Variants in AKR1C3 observed in about 807,000 individuals in gnomAD.
AKR1C3 encodes the protein 3-alpha hydroxysteroid dehydrogenase, type II.
In AKR1C3, 48 loss-of-function variants were observed where a neutral mutation model predicts 43.6. The ratio of observed to expected loss-of-function variants is 1.10; its 90% CI spans 0.87 to 1.40. The LOEUF (loss-of-function observed/expected upper bound fraction) is 1.40. AKR1C3 is among the 40% of genes most tolerant of loss of function. The pLI, the probability that AKR1C3 is intolerant of heterozygous loss-of-function variation, is 0.00. For missense variants in AKR1C3, 482 were observed against 391.2 expected, an observed-to-expected ratio of 1.23 and a Z score of -1.96; for synonymous variants, 162 against 139.6, an observed-to-expected ratio of 1.16 and a Z score of -1.13.
intron 7 of AKR1C3, 94 bp downstream of exon 7, chr10:5,102,744 C>G: frequency 6.7e-7 from 1 of 1,498,814 alleles, no homozygotes; most frequent in East Asian, 2.4e-5. Context: ...TGGGCCAGCT[C>G]CATTTCCCTG....
At position 5,102,136 on chromosome 10, in the gene AKR1C3, G is replaced by A; in HGVS notation, c.606G>A (p.Leu202=). The A allele has an allele frequency of 6.2e-7, 1 of 1,613,966 alleles. No individual in the cohort carries two copies. The highest frequency in any genetic ancestry group is 8.5e-7 in the Non-Finnish European group (1 of 1,179,920). ...ECHPYFNRSK[L]LDFCKSKDIV... is the part of the protein sequence containing the mutation. ...ATCCGTATTTCAACCGGAGTAAATTGCTAGATTTCTGCAAGTCGAAAGATA... is the reference window on the plus strand; with the variant it reads ...ATCCGTATTTCAACCGGAGTAAATTACTAGATTTCTGCAAGTCGAAAGATA... Residue 202 remains leucine (L), a synonymous_variant, in exon 6 of 9, where the codon TTG becomes TTA. Transcript: ENST00000380554.
intron 8 of AKR1C3, 50 bp downstream of exon 8, chr10:5,105,727 T>TC: frequency 6.9e-7 from 1 of 1,447,224 alleles, no homozygotes; most frequent in Non-Finnish European, 9.6e-7. Flanking sequence ...GGAGAAGGAA[T>TC]GTAGGATGGG....
At chr10:5,075,058 T>C (rs1226746258) in intron 1 of AKR1C3, among the ~76,000 whole-genome samples, 1 of 152,046 alleles carries the variant, frequency 6.6e-6, no homozygotes, top group Non-Finnish European at 1.5e-5. Flanking sequence ...GGCAAATAAA[T>C]CTCCTAAAAT....
chr10:5,099,286 C>A (rs782472789), intron 4 of AKR1C3, 41 bp from the exon 5 acceptor site: 1 of 1,612,714 alleles, frequency 6.2e-7, no homozygotes, highest in Non-Finnish European at 8.5e-7. Context: ...TGATTTGCAG[C>A]CAACTGCACA....
At chr10:5,087,647 A>G (rs1458206681) in intron 1 of AKR1C3, among the ~76,000 whole-genome samples, 1 of 152,042 alleles carries the variant, frequency 6.6e-6, no homozygotes, top group Non-Finnish European at 1.5e-5. Context: ...TGCTGGGATT[A>G]CAGACGTAAG....
At chr10:5,066,299 G>A (rs928222265) in intron 1 of AKR1C3, among the ~76,000 whole-genome samples, 1 of 152,098 alleles carries the variant, frequency 6.6e-6, no homozygotes, top group African/African-American at 2.4e-5. Context: ...CAAAACAATG[G>A]CCTCCTATCA....
chr10:5,063,052 C>A (rs1838414655), intron 1 of AKR1C3, among the ~76,000 whole-genome samples: 1 of 151,994 alleles, frequency 6.6e-6, no homozygotes, highest in South Asian at 2.1e-4. Context: ...TAACTAACAG[C>A]CATTTAGACC....
At chr10:5,074,425 G>C (rs1838669392) in intron 1 of AKR1C3, among the ~76,000 whole-genome samples, 1 of 152,202 alleles carries the variant, frequency 6.6e-6, no homozygotes, top group South Asian at 2.1e-4. Flanking sequence ...TGTCTGTTAT[G>C]AGAGAGGCTT....
At chr10:5,079,742 T>C (rs1838793528) in intron 1 of AKR1C3, among the ~76,000 whole-genome samples, 1 of 151,954 alleles carries the variant, frequency 6.6e-6, no homozygotes, top group Admixed American at 6.5e-5. Context: ...CCCAAGCCCC[T>C]ATTCTCTCTG....
intron 1 of AKR1C3, among the ~76,000 whole-genome samples, chr10:5,074,600 T>G (rs1194523686): frequency 6.6e-6 from 1 of 152,212 alleles, no homozygotes; most frequent in African/African-American, 2.4e-5. Flanking sequence ...ATTGACATAG[T>G]GTGCAAGAAG....
chr10:5,065,368 C>T (rs1554780682), intron 1 of AKR1C3, among the ~76,000 whole-genome samples: 1 of 152,190 alleles, frequency 6.6e-6, no homozygotes, highest in Non-Finnish European at 1.5e-5. Flanking sequence ...TGCCTGTCAA[C>T]ACCAGACTGG....
upstream of AKR1C3, chr10:5,093,873 A>G (rs986806240): frequency 3.3e-5 from 5 of 152,176 alleles, no homozygotes; most frequent in Non-Finnish European, 5.9e-5. Context: ...AGAAAGAAAA[A>G]TCAAAATAAA....
chr10:5,087,439 C>T (rs1838994913), intron 1 of AKR1C3, among the ~76,000 whole-genome samples: 1 of 148,482 alleles, frequency 6.7e-6, no homozygotes, highest in South Asian at 2.1e-4. Flanking sequence ...GTGGGGCAAT[C>T]TCAGCTCACT....
Position 5,098,811 on chromosome 10 carries a change from GA to G in AKR1C3, c.381del (p.Glu127AspfsTer11), listed in dbSNP as rs782042667. The G allele has an allele frequency of 6.9e-5, 111 of 1,613,516 alleles. No homozygotes were observed. The East Asian group carries it at 1.5e-3, about 22-fold the overall frequency. On this transcript the variant is annotated frameshift_variant, in exon 4 of 9. Coordinates refer to ENST00000380554, the MANE Select transcript of AKR1C3 (RefSeq NM_003739.6). LOFTEE classifies it high-confidence loss of function. ...HSPMSLKPGE[E>X]LSPTDENGKV... ...ACTGCTTCTATTTCAGCCAGGTGAG[GA>G]ACTTTCACCAACAGATGAAAATGGA...
At chr10:5,105,766 A>T in intron 8 of AKR1C3, 89 bp downstream of exon 8, 2 of 978,616 alleles carry the variant, frequency 2.0e-6, no homozygotes, top group Non-Finnish European at 3.2e-6. Context: ...TACCAGAGGG[A>T]CAGAGGCCAA....
chr10:5,088,615 T>G (rs782630429), intron 1 of AKR1C3, among the ~76,000 whole-genome samples: 1 of 151,686 alleles, frequency 6.6e-6, no homozygotes, highest in Non-Finnish European at 1.5e-5. Flanking sequence ...TATAAAAGTC[T>G]GTTTTATCTA....
chr10:5,069,739 T>A (rs1391303544), intron 1 of AKR1C3, among the ~76,000 whole-genome samples: 1 of 152,026 alleles, frequency 6.6e-6, no homozygotes, highest in Non-Finnish European at 1.5e-5. Context: ...CCCAGCATGG[T>A]GGCAGGCACC....
chr10:5,105,526 A>T, intron 7 of AKR1C3, 69 bp from the exon 8 acceptor site: 2 of 1,167,198 alleles, frequency 1.7e-6, no homozygotes, highest in Non-Finnish European at 1.3e-6. Context: ...TCTGCACCCT[A>T]CTGTCTAATA....
chr10:5,102,179 A>G lies in AKR1C3; in HGVS notation c.649A>G (p.Ser217Gly), dbSNP rs782639242. 9 of 1,613,872 alleles carry G rather than the reference A, an allele frequency of 5.6e-6. No homozygotes were observed. Among genetic ancestry groups the G allele is most frequent in the Middle Eastern group, 1.6e-4 (1 of 6,080 alleles). The stretch of plus-strand genomic sequence containing the variant: ...GAAAGATATTGTTCTGGTTGCCTAT[A>G]GTGCTCTGGGATCTCAACGAGACAA... Reference protein sequence around the residue: ...KSKDIVLVAYSALGSQRDKRW... With the variant: ...KSKDIVLVAYGALGSQRDKRW... Residue 217 changes from serine to glycine, a missense_variant, in exon 6 of 9, where the codon AGT becomes GGT. Physicochemically the swap from Ser to Gly is moderately conservative, Grantham distance 56. Transcript: ENST00000380554.
Sources: gnomAD v4.1 joint callset for allele counts (sites outside exome capture counted in the v4.1 genomes callset) on GRCh38, gnomAD v4.1.1 for gene constraint, MANE v1.5 for transcripts, NCBI Gene and HGNC (gene_info 2026-07-23, HGNC 2026-07-21) for gene names.